Variants in CTNNA3 observed in about 807,000 individuals in gnomAD.
CTNNA3 encodes catenin alpha 3.
In CTNNA3, 76 loss-of-function variants were observed where a neutral mutation model predicts 95.7. The ratio of observed to expected loss-of-function variants is 0.79; its 90% CI spans 0.66 to 0.96. The LOEUF (loss-of-function observed/expected upper bound fraction) is 0.96, where lower values mean the gene tolerates loss of function less well. Ranked by LOEUF, CTNNA3 falls within the 40% of genes least tolerant of loss-of-function variation. The pLI, the probability that CTNNA3 is intolerant of heterozygous loss-of-function variation, is 0.00. For missense variants in CTNNA3, 1,191 were observed against 1,089.8 expected (o/e 1.09, Z -1.31); for synonymous variants, 431 against 374.4 (o/e 1.15, Z -1.74).
chr10:66,756,660 G>T (rs1035818647), intron 9 of CTNNA3, among the ~76,000 whole-genome samples: 1 of 151,502 alleles, frequency 6.6e-6, no homozygotes, highest in Non-Finnish European at 1.5e-5. Flanking sequence ...GGAAACAGCT[G>T]ATCTCCTCTG....
At chr10:67,222,397 T>G (rs1864703862) in intron 5 of CTNNA3, among the ~76,000 whole-genome samples, 1 of 152,230 alleles carries the variant, frequency 6.6e-6, no homozygotes, top group Admixed American at 6.5e-5. Context: ...TTTCGGTGTC[T>G]GTCTTTCTAT....
At chr10:66,645,174 C>T (rs958454434) in intron 9 of CTNNA3, among the ~76,000 whole-genome samples, 2 of 152,092 alleles carry the variant, frequency 1.3e-5, no homozygotes, top group South Asian at 4.2e-4. Flanking sequence ...ATTTTATTCT[C>T]ACATGGTTTT....
chr10:66,026,567 A>C (rs1341331769), intron 15 of CTNNA3, among the ~76,000 whole-genome samples: 3 of 152,148 alleles, frequency 2.0e-5, no homozygotes, highest in Non-Finnish European at 4.4e-5. Flanking sequence ...AGTCTAAAAT[A>C]TTGGCATTCT....
chr10:66,685,323 G>GTATATATATATA (rs1564617422), intron 9 of CTNNA3, among the ~76,000 whole-genome samples: 4 of 34,872 alleles, frequency 1.1e-4, no homozygotes, highest in African/African-American at 5.3e-4. Context: ...GTGTGTATGT[G>GTATATATATATA]TGTATATATA....
intron 6 of CTNNA3, among the ~76,000 whole-genome samples, chr10:67,209,359 T>A (rs1297294635): frequency 6.6e-6 from 1 of 152,138 alleles, no homozygotes; most frequent in East Asian, 1.9e-4. Flanking sequence ...AATATAAGTT[T>A]TTAAATGTAT....
intron 7 of CTNNA3, among the ~76,000 whole-genome samples, chr10:66,851,472 T>A (rs1843483327): frequency 6.6e-6 from 1 of 152,124 alleles, no homozygotes; most frequent in Non-Finnish European, 1.5e-5. Context: ...ATCTCCAGTA[T>A]CGGAGGTGGG....
chr10:66,244,375 TAG>T (rs1247066846), intron 13 of CTNNA3, among the ~76,000 whole-genome samples: 2 of 152,176 alleles, frequency 1.3e-5, no homozygotes, highest in Non-Finnish European at 2.9e-5. Context: ...TGGCTGACTG[TAG>T]AGCCCTAGGT....
intron 7 of CTNNA3, among the ~76,000 whole-genome samples, chr10:66,907,679 CAATT>C (rs1333286871): frequency 2.0e-5 from 3 of 152,138 alleles, no homozygotes; most frequent in Non-Finnish European, 4.4e-5. Flanking sequence ...ACTCTACCAT[CAATT>C]ATAGTTCAGA....
At chr10:66,483,381 T>C (rs1246126516) in intron 11 of CTNNA3, among the ~76,000 whole-genome samples, 1 of 152,078 alleles carries the variant, frequency 6.6e-6, no homozygotes, top group Non-Finnish European at 1.5e-5. Flanking sequence ...TTTTTATCAT[T>C]ATTATAGATG....
intron 5 of CTNNA3, among the ~76,000 whole-genome samples, chr10:67,512,775 A>T (rs1414176182): frequency 6.6e-6 from 1 of 152,010 alleles, no homozygotes; most frequent in Non-Finnish European, 1.5e-5. Flanking sequence ...TCACAAGGTC[A>T]AGAGATCGAT....
chr10:66,422,480 TA>T (rs1378355333), intron 11 of CTNNA3, among the ~76,000 whole-genome samples: 1 of 152,146 alleles, frequency 6.6e-6, no homozygotes, highest in East Asian at 1.9e-4. Flanking sequence ...GTCTTTCATG[TA>T]GGTCTATTAT....
At chr10:65,945,493 G>A (rs1418818806) in intron 17 of CTNNA3, among the ~76,000 whole-genome samples, 2 of 152,002 alleles carry the variant, frequency 1.3e-5, no homozygotes, top group Admixed American at 1.3e-4. Context: ...TGAGGGTGAG[G>A]GACCATGAAG....
intron 1 of CTNNA3, among the ~76,000 whole-genome samples, chr10:67,737,184 T>A (rs1040648781): frequency 6.6e-6 from 1 of 151,882 alleles, no homozygotes; most frequent in African/African-American, 2.4e-5. Context: ...AAAACCACCA[T>A]AACAAAAGAA....
At chr10:67,348,865 C>T (rs1842532546) in intron 5 of CTNNA3, among the ~76,000 whole-genome samples, 1 of 151,976 alleles carries the variant, frequency 6.6e-6, no homozygotes, top group African/African-American at 2.4e-5. Flanking sequence ...AAGGAACTCC[C>T]ACAACTCAAC....
chr10:67,183,958 AG>A (rs1202998564), intron 6 of CTNNA3, among the ~76,000 whole-genome samples: 4 of 152,228 alleles, frequency 2.6e-5, no homozygotes, highest in Non-Finnish European at 4.4e-5. Flanking sequence ...TTTTAAGATT[AG>A]GAAACAAAAA....
intron 7 of CTNNA3, among the ~76,000 whole-genome samples, chr10:67,037,680 T>C (rs751838826): frequency 6.6e-6 from 1 of 152,156 alleles, no homozygotes; most frequent in Non-Finnish European, 1.5e-5. Context: ...TACAATCCAT[T>C]TTTAGAATGG....
chr10:67,070,285 T>C (rs1241652514), intron 7 of CTNNA3, among the ~76,000 whole-genome samples: 2 of 152,338 alleles, frequency 1.3e-5, no homozygotes, highest in East Asian at 3.9e-4. Flanking sequence ...GGAGTTCTTA[T>C]GTAATCTGAA....
At chr10:66,821,207 G>T (rs1452864641) in intron 7 of CTNNA3, among the ~76,000 whole-genome samples, 1 of 152,098 alleles carries the variant, frequency 6.6e-6, no homozygotes, top group Non-Finnish European at 1.5e-5. Context: ...ATTGTAATTA[G>T]ATATGCTTGA....
chr10:66,463,886 A>AT (rs112075327), intron 11 of CTNNA3, among the ~76,000 whole-genome samples: 5,837 of 143,676 alleles, frequency 0.041, 183 homozygotes, highest in African/African-American at 0.093. Context: ...TCACTTTCCA[A>AT]TTTTTTTTTT....
Sources: gnomAD v4.1 joint callset for allele counts (sites outside exome capture counted in the v4.1 genomes callset) on GRCh38, gnomAD v4.1.1 for gene constraint, MANE v1.5 for transcripts, NCBI Gene and HGNC (gene_info 2026-07-23, HGNC 2026-07-21) for gene names.